Variants in EPHA5 observed in about 807,000 individuals in gnomAD.
The protein encoded by EPHA5 is EPH receptor A5.
Under a neutral mutation model 105.0 loss-of-function variants are expected in EPHA5, and 60 were observed. That is an observed-to-expected ratio of 0.57 (90% CI 0.46 to 0.71). The LOEUF (loss-of-function observed/expected upper bound fraction) is 0.71. Ranked by LOEUF, EPHA5 falls within the 30% of genes least tolerant of loss-of-function variation. The pLI, the probability that EPHA5 is intolerant of heterozygous loss-of-function variation, is 0.00. For missense variants in EPHA5, 1,218 were observed against 1,274.7 expected, an observed-to-expected ratio of 0.96 and a Z score of 0.68; for synonymous variants, 513 against 449.1, an observed-to-expected ratio of 1.14 and a Z score of -1.80.
chr4:65,574,408 CAAA>C (rs1008290862), intron 3 of EPHA5: 2 of 544,244 alleles, frequency 3.7e-6, no homozygotes, highest in Non-Finnish European at 5.5e-6. Flanking sequence ...AAAAAATACT[CAAA>C]TAACTCAAAT....
intron 5 of EPHA5, among the ~76,000 whole-genome samples, chr4:65,463,228 G>T (rs2149135365): frequency 6.6e-6 from 1 of 152,074 alleles, no homozygotes; most frequent in African/African-American, 2.4e-5. Flanking sequence ...CTTTTTATTT[G>T]CAAAGCCGTT....
chr4:65,638,363 T>C (rs890444531), intron 2 of EPHA5, among the ~76,000 whole-genome samples: 1 of 152,092 alleles, frequency 6.6e-6, no homozygotes, highest in Non-Finnish European at 1.5e-5. Flanking sequence ...TATATGTAAA[T>C]AATACAAAAC....
intron 3 of EPHA5, among the ~76,000 whole-genome samples, chr4:65,545,793 A>C (rs980934932): frequency 2.0e-5 from 3 of 151,914 alleles, no homozygotes; most frequent in African/African-American, 7.2e-5. Context: ...GATCCAACTG[A>C]AAGAACAACT....
chr4:65,364,874 A>G (rs1717707448), intron 11 of EPHA5, 143 bp downstream of exon 11: 1 of 577,848 alleles, frequency 1.7e-6, no homozygotes, highest in South Asian at 6.9e-5. Context: ...GCTTTAACAA[A>G]AATCTACTAA....
chr4:65,631,090 C>T (rs1230886033), intron 2 of EPHA5, among the ~76,000 whole-genome samples: 2 of 152,054 alleles, frequency 1.3e-5, no homozygotes, highest in Non-Finnish European at 2.9e-5. Context: ...TAAAGTGATG[C>T]ATACAAAAAG....
chr4:65,501,118 T>C (rs901900651), intron 3 of EPHA5, among the ~76,000 whole-genome samples: 2 of 151,440 alleles, frequency 1.3e-5, no homozygotes, highest in African/African-American at 2.4e-5. Flanking sequence ...AATATGTGTT[T>C]GCTAAGAAAA....
intron 5 of EPHA5, among the ~76,000 whole-genome samples, chr4:65,474,770 A>G (rs1396455926): frequency 6.6e-6 from 1 of 152,168 alleles, no homozygotes; most frequent in African/African-American, 2.4e-5. Flanking sequence ...AATCAAATGG[A>G]ATAAATAAAA....
intron 3 of EPHA5, among the ~76,000 whole-genome samples, chr4:65,563,452 T>C (rs964677008): frequency 6.6e-6 from 1 of 151,986 alleles, no homozygotes; most frequent in Non-Finnish European, 1.5e-5. Flanking sequence ...TTATATGGAG[T>C]AGTATAATTA....
At chr4:65,388,638 A>G (rs1403645008) in intron 8 of EPHA5, among the ~76,000 whole-genome samples, 4 of 143,756 alleles carry the variant, frequency 2.8e-5, no homozygotes, top group African/African-American at 1.0e-4. Context: ...GTCTGTTCAT[A>G]TCCTTTGCCC....
intron 2 of EPHA5, among the ~76,000 whole-genome samples, chr4:65,638,629 C>T (rs1412072181): frequency 6.6e-6 from 1 of 152,124 alleles, no homozygotes; most frequent in East Asian, 1.9e-4. Flanking sequence ...ATCCCAGCTA[C>T]TCGGAAGGCT....
rs1006525070 is a variant in EPHA5 at position 65,599,387 on chromosome 4, G to A, written c.910+2254C>T. 2.5e-5 allele frequency among the ~76,000 whole-genome samples: 3 copies of A among 121,720 alleles called. No homozygotes were observed. In the East Asian group the frequency reaches 8.9e-4, roughly 36 times the overall value. The allele number at this position is 121,720 out of a possible 152,430, so 79.9% of individuals were successfully genotyped here. ...CACACACACACACACTCATTTACAT[G>A]TACTTATTGTGTACAGATAGAAATC... On this transcript the variant is annotated intron_variant, in intron 3 of 16. Coordinates refer to ENST00000613740, the MANE Select transcript of EPHA5 (RefSeq NM_001281766.3).
chr4:65,369,414 AT>A lies in EPHA5; in HGVS notation c.1794-1991del, dbSNP rs1490451574. Among the ~76,000 whole-genome samples the A allele has an allele frequency of 1.3e-5, 2 of 152,304 alleles. 1 individual carries two copies. Among genetic ancestry groups the A allele is most frequent in the Middle Eastern group, 6.8e-3 (2 of 294 alleles). ...AAACAAAATTTCCATTGATTTATGC[AT>A]TAAGAAAAGACAGCCAAATGACAGA... On this transcript the variant is annotated intron_variant, in intron 8 of 16. Transcript: ENST00000613740.
At chr4:65,574,152 G>A (rs1740543952) in intron 3 of EPHA5, 1 of 1,607,444 alleles carries the variant, frequency 6.2e-7, no homozygotes, top group Non-Finnish European at 8.5e-7. Flanking sequence ...CCAGGAAGGT[G>A]AGATCTTCGA....
chr4:65,631,317 A>C (rs1746612626), intron 2 of EPHA5, among the ~76,000 whole-genome samples: 2 of 152,152 alleles, frequency 1.3e-5, no homozygotes, highest in African/African-American at 4.8e-5. Flanking sequence ...TTATATACAT[A>C]ATACCAAGAA....
At position 65,403,160 on chromosome 4, in the gene EPHA5, G is replaced by A. The variant is rs541203348; in HGVS notation, c.1793+1214C>T. Among the ~76,000 whole-genome samples, 199 of 152,184 alleles carry A rather than the reference G, an allele frequency of 1.3e-3. 1 individual carries two copies. Among genetic ancestry groups the A allele is most frequent in the Middle Eastern group, 0.01 (3 of 294 alleles). On this transcript the variant is annotated intron_variant, in intron 8 of 16. Transcript: ENST00000613740. Reference sequence around the variant, plus strand: ...GTAATAGAATTTTCATATACAATGAGGAAATGTTCAAAATAATTTGCAATA... The same window carrying A: ...GTAATAGAATTTTCATATACAATGAAGAAATGTTCAAAATAATTTGCAATA...
chr4:65,608,831 G>T (rs577309294), intron 2 of EPHA5, among the ~76,000 whole-genome samples: 12 of 152,200 alleles, frequency 7.9e-5, no homozygotes, highest in African/African-American at 2.6e-4. Context: ...ATACTAATTA[G>T]GGCCTAATTA....
intron 2 of EPHA5, among the ~76,000 whole-genome samples, chr4:65,634,332 G>A (rs1373189594): frequency 4.6e-5 from 7 of 151,950 alleles, no homozygotes; most frequent in Non-Finnish European, 4.4e-5. Context: ...TATCTCAATC[G>A]TACTATGCAG....
intron 2 of EPHA5, among the ~76,000 whole-genome samples, chr4:65,641,592 T>C (rs1381948156): frequency 6.6e-6 from 1 of 152,112 alleles, no homozygotes; most frequent in Non-Finnish European, 1.5e-5. Flanking sequence ...TCCTTAAATA[T>C]AATACATTTT....
intron 5 of EPHA5, among the ~76,000 whole-genome samples, chr4:65,440,773 G>A (rs1247522874): frequency 2.0e-5 from 3 of 151,938 alleles, no homozygotes; most frequent in Non-Finnish European, 2.9e-5. Context: ...GGGAGAGAAG[G>A]AGAAGAAAAA....
Sources: allele counts gnomAD v4.1 joint callset (sites outside exome capture counted in the v4.1 genomes callset), GRCh38; gene constraint gnomAD v4.1.1; transcripts MANE v1.5; gene names NCBI Gene and HGNC (gene_info 2026-07-23, HGNC 2026-07-21).